Variants in ZNF609 observed in about 807,000 individuals in gnomAD.
ZNF609 encodes the protein zinc finger protein 609.
A neutral mutation model predicts 109.5 loss-of-function variants in ZNF609; 11 were observed. That is an observed-to-expected ratio of 0.10 (90% CI 0.06 to 0.17). The LOEUF (loss-of-function observed/expected upper bound fraction) is 0.17, where lower values mean the gene tolerates loss of function less well. Among genes scored for constraint, ZNF609 ranks in the 10% least tolerant of loss-of-function variants. The pLI, the probability that ZNF609 is intolerant of heterozygous loss-of-function variation, is 1.00. For synonymous variants in ZNF609, 646 were observed against 662.0 expected (o/e 0.98, Z 0.37); for missense variants, 1,559 against 1,772.4 (o/e 0.88, Z 2.16).
chr15:64,639,512 T>A (rs1896223850), intron 3 of ZNF609, among the ~76,000 whole-genome samples: 1 of 152,218 alleles, frequency 6.6e-6, no homozygotes, highest in South Asian at 2.1e-4. Context: ...TGTAGCTGCA[T>A]CATCCCAGTC....
chr15:64,526,099 C>CT (rs1893964569), intron 2 of ZNF609, among the ~76,000 whole-genome samples: 1 of 140,070 alleles, frequency 7.1e-6, no homozygotes, highest in African/African-American at 2.7e-5. Context: ...CCTGTTTTTT[C>CT]TTTTCTTTTT....
intron 3 of ZNF609, among the ~76,000 whole-genome samples, chr15:64,639,255 T>C (rs1301992901): frequency 6.6e-6 from 1 of 152,178 alleles, no homozygotes; most frequent in Non-Finnish European, 1.5e-5. Context: ...TGAGGCTAGT[T>C]AAGGTAAAAT....
At chr15:64,592,325 C>T (rs963901943) in intron 2 of ZNF609, among the ~76,000 whole-genome samples, 6 of 152,032 alleles carry the variant, frequency 3.9e-5, no homozygotes, top group African/African-American at 1.2e-4. Context: ...GCCTATAATC[C>T]CAGCACTTTG....
chr15:64,659,545 A>C (rs1305098136), intron 3 of ZNF609, among the ~76,000 whole-genome samples: 1 of 152,196 alleles, frequency 6.6e-6, no homozygotes, highest in Admixed American at 6.6e-5. Flanking sequence ...GACGAGAAAA[A>C]GTAACTGCTG....
Position 64,562,838 on chromosome 15 carries a change from GCTT to G in ZNF609, c.748-59985_748-59983del, listed in dbSNP as rs143210798. Among the ~76,000 whole-genome samples the G allele has an allele frequency of 1.3e-4, 20 of 150,830 alleles. No homozygotes were observed. The East Asian group carries it at 3.9e-3, about 30-fold the overall frequency. Reference sequence around the variant, plus strand: ...AAGTTCTTTTTATTTTCTAGCAGCAGCTTCTTAAGAGAGAGGAAAAGAGGGTAA... The same window carrying G: ...AAGTTCTTTTTATTTTCTAGCAGCAGCTTAAGAGAGAGGAAAAGAGGGTAA... On this transcript the variant is annotated intron_variant, in intron 2 of 9. Coordinates refer to ENST00000326648, the MANE Select transcript of ZNF609 (RefSeq NM_015042.2).
chr15:64,565,078 A>G (rs1894754969), intron 2 of ZNF609, among the ~76,000 whole-genome samples: 2 of 116,036 alleles, frequency 1.7e-5, no homozygotes, highest in African/African-American at 3.4e-5. Flanking sequence ...TTTGAGACGG[A>G]GTCTTGATTC....
chr15:64,609,777 C>T (rs1177180537), intron 2 of ZNF609, among the ~76,000 whole-genome samples: 2 of 150,212 alleles, frequency 1.3e-5, no homozygotes, highest in East Asian at 4.0e-4. Context: ...CCTGTAATCC[C>T]AGCACTTTGG....
At chr15:64,631,253 AT>A in intron 3 of ZNF609, 2 of 651,750 alleles carry the variant, frequency 3.1e-6, no homozygotes, top group Non-Finnish European at 2.9e-6. Flanking sequence ...TTTTCTGATC[AT>A]TTTTCCTTCA....
At chr15:64,598,808 A>C (rs1337525764) in intron 2 of ZNF609, among the ~76,000 whole-genome samples, 1 of 135,924 alleles carries the variant, frequency 7.4e-6, no homozygotes, top group African/African-American at 2.7e-5. Context: ...TCTTGATACA[A>C]ATCCTAGAAA....
rs182944853 is a variant in ZNF609, at chr15:64,675,524, A to G, written c.2670A>G (p.Pro890=). Residue 890 remains proline, a synonymous_variant, in exon 5 of 10, where the codon CCA becomes CCG. Coordinates refer to ENST00000326648, the MANE Select transcript of ZNF609 (RefSeq NM_015042.2). ...CTCAGCCTCAGAGCAAAGACTCACC[A>G]TATTACCAAGGCTTTGAGAGTTACT... ...FPPQPQSKDS[P]YYQGFESYYS... 12 of 1,614,206 alleles carry G rather than the reference A, an allele frequency of 7.4e-6. No homozygotes were observed. Among genetic ancestry groups the G allele is most frequent in the South Asian group, 3.3e-5 (3 of 91,082 alleles).
At chr15:64,646,839 C>A (rs1262466324) in intron 3 of ZNF609, among the ~76,000 whole-genome samples, 1 of 147,876 alleles carries the variant, frequency 6.8e-6, no homozygotes, top group Non-Finnish European at 1.5e-5. Flanking sequence ...ACTCGGGAGG[C>A]TGAGGCAGGA....
intron 1 of ZNF609, among the ~76,000 whole-genome samples, chr15:64,488,329 T>C (rs951683937): frequency 2.0e-5 from 3 of 152,206 alleles, no homozygotes; most frequent in Admixed American, 1.3e-4. Context: ...ATGATTCTGC[T>C]CATTGAGGAG....
At chr15:64,662,530 G>A (rs1896593907) in intron 3 of ZNF609, among the ~76,000 whole-genome samples, 1 of 152,126 alleles carries the variant, frequency 6.6e-6, no homozygotes, top group South Asian at 2.1e-4. Context: ...TCACTACATT[G>A]CCCAGGCTAG....
chr15:64,597,182 G>T (rs1283364816), intron 2 of ZNF609, among the ~76,000 whole-genome samples: 1 of 152,186 alleles, frequency 6.6e-6, no homozygotes, highest in Admixed American at 6.5e-5. Flanking sequence ...TAAGGTCACA[G>T]TTTAGAGTCT....
chr15:64,581,629 G>A (rs1023813691), intron 2 of ZNF609, among the ~76,000 whole-genome samples: 3 of 152,078 alleles, frequency 2.0e-5, no homozygotes, highest in African/African-American at 2.4e-5. Flanking sequence ...TCACAGGCAC[G>A]CCAACCCTGT....
chr15:64,510,484 G>A (rs1413283671), intron 2 of ZNF609, among the ~76,000 whole-genome samples: 1 of 152,094 alleles, frequency 6.6e-6, no homozygotes, highest in African/African-American at 2.4e-5. Context: ...GGGATTACAG[G>A]TGTGAGTCAC....
chr15:64,597,853 C>G (rs1895423790), intron 2 of ZNF609, among the ~76,000 whole-genome samples: 3 of 152,204 alleles, frequency 2.0e-5, no homozygotes, highest in Admixed American at 6.5e-5. Flanking sequence ...CCTTACCCTT[C>G]TGCCTCCCCC....
At chr15:64,605,956 T>C (rs111978252) in intron 2 of ZNF609, among the ~76,000 whole-genome samples, 5,829 of 139,308 alleles carry the variant, frequency 0.042, 442 homozygotes, top group African/African-American at 0.15. Context: ...GGGGTTTCAC[T>C]GTATTAGCCA....
In ZNF609 at chr15:64,576,544, A is replaced by G. The variant is rs1894955853; in HGVS notation, c.748-46283A>G. Among the ~76,000 whole-genome samples the G allele has an allele frequency of 2.0e-5, 3 of 152,240 alleles. No individual in the cohort carries two copies. In the South Asian group the frequency reaches 6.2e-4, roughly 32 times the overall value. On this transcript the variant is annotated intron_variant, in intron 2 of 9. Transcript: ENST00000326648. ...AATATCTTTAAAAAATCTAACTTCCATGCCCTATTCTAGAAAGCTACTGGA... is the reference window on the plus strand; with the variant it reads ...AATATCTTTAAAAAATCTAACTTCCGTGCCCTATTCTAGAAAGCTACTGGA...
Sources: gnomAD v4.1 joint callset for allele counts (sites outside exome capture counted in the v4.1 genomes callset) on GRCh38, gnomAD v4.1.1 for gene constraint, MANE v1.5 for transcripts, NCBI Gene and HGNC (gene_info 2026-07-23, HGNC 2026-07-21) for gene names.